Variants in DCC observed in about 807,000 individuals in gnomAD.
The protein encoded by DCC is DCC netrin 1 receptor.
Under a neutral mutation model 172.5 loss-of-function variants are expected in DCC, and 58 were observed. The ratio of observed to expected loss-of-function variants is 0.34; its 90% CI spans 0.27 to 0.42. The LOEUF is 0.42. Among genes scored for constraint, DCC ranks in the 10% least tolerant of loss-of-function variants. The pLI, the probability that DCC is intolerant of heterozygous loss-of-function variation, is 1.00. For synonymous variants in DCC, 709 were observed against 644.5 expected (o/e 1.10, Z -1.52); for missense variants, 1,740 against 1,791.0 (o/e 0.97, Z 0.51).
chr18:53,260,102 G>A (rs940939184), intron 12 of DCC, among the ~76,000 whole-genome samples: 7 of 151,962 alleles, frequency 4.6e-5, no homozygotes, highest in Non-Finnish European at 7.4e-5. Context: ...TTATCCATTT[G>A]TCTAATTTTT....
At chr18:52,500,243 T>C (rs1399389147) in intron 1 of DCC, among the ~76,000 whole-genome samples, 1 of 152,124 alleles carries the variant, frequency 6.6e-6, no homozygotes, top group Non-Finnish European at 1.5e-5. Flanking sequence ...TCTTGTCAAA[T>C]GCCTGCAAAC....
chr18:53,239,419 C>T (rs955036463), intron 12 of DCC, among the ~76,000 whole-genome samples: 3 of 152,146 alleles, frequency 2.0e-5, no homozygotes, highest in South Asian at 4.1e-4. Context: ...TTCCTTGTTT[C>T]CAGTTAATCA....
chr18:52,474,145 C>T (rs1003875402), intron 1 of DCC, among the ~76,000 whole-genome samples: 1 of 151,260 alleles, frequency 6.6e-6, no homozygotes. Context: ...CCTTAAGCTA[C>T]ATTAACAACT....
chr18:53,344,945 T>G (rs1399833283), intron 15 of DCC, among the ~76,000 whole-genome samples: 1 of 150,738 alleles, frequency 6.6e-6, no homozygotes, highest in East Asian at 1.9e-4. Flanking sequence ...ATCAGCTGAC[T>G]TTTTCTATAA....
chr18:53,200,061 T>G (rs1568361231), intron 9 of DCC, among the ~76,000 whole-genome samples: 1 of 152,170 alleles, frequency 6.6e-6, no homozygotes, highest in Non-Finnish European at 1.5e-5. Context: ...ACGCATCCTG[T>G]TGTTGTGAAT....
rs2033935780 is a variant in DCC at position 52,597,667 on chromosome 18, G to T, written c.92-154387G>T. 2.6e-5 allele frequency among the ~76,000 whole-genome samples: 4 copies of T among 152,144 alleles called. No individual in the cohort carries two copies. The South Asian group carries it at 8.3e-4, about 32-fold the overall frequency. On this transcript the variant is annotated intron_variant, in intron 1 of 28. Coordinates refer to ENST00000442544, the MANE Select transcript of DCC (RefSeq NM_005215.4). ...CATCTTTAGTAGAACAAAGATCAAA[G>T]TCAGGAACCAGAGGAAACTGTGCAG...
intron 1 of DCC, among the ~76,000 whole-genome samples, chr18:52,451,090 A>G (rs540034339): frequency 1.3e-5 from 2 of 152,300 alleles, no homozygotes; most frequent in African/African-American, 2.4e-5. Flanking sequence ...CACTGTGGGC[A>G]TGTTGTGAGG....
intron 5 of DCC, among the ~76,000 whole-genome samples, chr18:52,931,173 GTA>G (rs1350961352): frequency 6.6e-6 from 1 of 151,906 alleles, no homozygotes; most frequent in East Asian, 1.9e-4. Context: ...ATGAATATTT[GTA>G]TAATGTTTGA....
chr18:52,752,540 T>A (rs2037014652), intron 2 of DCC, among the ~76,000 whole-genome samples, 166 bp downstream of exon 2: 1 of 152,240 alleles, frequency 6.6e-6, no homozygotes, highest in Admixed American at 6.5e-5. Flanking sequence ...ATGTCATGTT[T>A]TGATGTATGT....
chr18:52,410,138 A>G (rs1986795474), intron 1 of DCC, among the ~76,000 whole-genome samples: 2 of 152,150 alleles, frequency 1.3e-5, no homozygotes, highest in South Asian at 4.1e-4. Flanking sequence ...CAAAAACGGT[A>G]TTAGGCTGGA....
chr18:53,310,441 A>G (rs1157741484), intron 13 of DCC, among the ~76,000 whole-genome samples: 2 of 150,646 alleles, frequency 1.3e-5, no homozygotes, highest in African/African-American at 4.9e-5. Context: ...ATTTTTTTTT[A>G]CAATCTTCTA....
intron 9 of DCC, among the ~76,000 whole-genome samples, chr18:53,184,113 G>T (rs1350993892): frequency 6.6e-6 from 1 of 151,736 alleles, no homozygotes; most frequent in Non-Finnish European, 1.5e-5. Flanking sequence ...TAATCACTTG[G>T]GTAAATAAGG....
chr18:52,955,599 G>T (rs1943106), intron 5 of DCC, among the ~76,000 whole-genome samples: 37,236 of 151,902 alleles, frequency 0.25, 4,860 homozygotes, highest in Admixed American at 0.32. Flanking sequence ...TGAAGAGTAT[G>T]TTTGGTTTTG....
At chr18:53,325,774 T>G (rs927248911) in intron 14 of DCC, among the ~76,000 whole-genome samples, 1 of 152,170 alleles carries the variant, frequency 6.6e-6, no homozygotes, top group Admixed American at 6.6e-5. Context: ...CAAAATATGG[T>G]TTAAGAATTT....
At chr18:52,904,741 C>T (rs961400359) in intron 2 of DCC, among the ~76,000 whole-genome samples, 2 of 152,044 alleles carry the variant, frequency 1.3e-5, no homozygotes, top group Non-Finnish European at 2.9e-5. Flanking sequence ...TTGACATGAA[C>T]CCCAGACTGA....
intron 5 of DCC, among the ~76,000 whole-genome samples, chr18:52,966,444 C>A (rs1372003443): frequency 2.0e-5 from 3 of 152,104 alleles, no homozygotes; most frequent in African/African-American, 7.2e-5. Context: ...ACCCCTAAAC[C>A]CTACTTTGTC....
chr18:53,044,393 C>A (rs992146939), intron 5 of DCC, among the ~76,000 whole-genome samples: 1 of 151,702 alleles, frequency 6.6e-6, no homozygotes, highest in African/African-American at 2.4e-5. Flanking sequence ...AAGAGAAATG[C>A]CACTGATTGA....
intron 1 of DCC, among the ~76,000 whole-genome samples, chr18:52,699,292 T>A (rs773772023): frequency 4.6e-5 from 7 of 152,152 alleles, no homozygotes; most frequent in Non-Finnish European, 8.8e-5. Flanking sequence ...ACCCTGCTCC[T>A]CAACCAACTT....
At chr18:53,239,201 AAAAT>A (rs578197104) in intron 12 of DCC, among the ~76,000 whole-genome samples, 180 of 140,176 alleles carry the variant, frequency 1.3e-3, no homozygotes, top group African/African-American at 2.1e-3. Context: ...AATAATAATA[AAAAT>A]AAATAAATAA....
Sources: allele counts gnomAD v4.1 joint callset (sites outside exome capture counted in the v4.1 genomes callset), GRCh38; gene constraint gnomAD v4.1.1; transcripts MANE v1.5; gene names NCBI Gene and HGNC (gene_info 2026-07-23, HGNC 2026-07-21).